The following GIN1 variants were observed in gnomAD, a reference collection of about 807,000 sequenced individuals.
GIN1 encodes the protein gypsy retrotransposon integrase-like protein 1.
In GIN1, 41 loss-of-function variants were observed where a neutral mutation model predicts 51.4. The observed-to-expected ratio is 0.80, with a 90% CI of 0.62 to 1.04. The LOEUF is 1.04. Among genes scored for constraint, GIN1 ranks in the 50% least tolerant of loss-of-function variants. The probability of loss-of-function intolerance (pLI) is 0.00; values close to 1 mark genes in which losing one functional copy is unlikely to be tolerated. For synonymous variants in GIN1, 222 were observed against 206.5 expected, an observed-to-expected ratio of 1.07 and a Z score of -0.64; for missense variants, 610 against 612.4, an observed-to-expected ratio of 1.00 and a Z score of 0.04.
Position 103,088,081 on chromosome 5 carries a change from A to C in GIN1, c.1386T>G (p.Ile462Met). Residue 462 changes from isoleucine (I) to methionine (M), a missense_variant, in exon 8 of 8, where the codon ATT becomes ATG. Physicochemically the swap from Ile to Met is conservative, Grantham distance 10. Coordinates refer to ENST00000399004, the MANE Select transcript of GIN1 (RefSeq NM_017676.2). Reference sequence around the variant, plus strand: ...TACCAATAGTTGCATCTTCCACCAGAATATTTGCTTGATATGCTCCAATCG... The same window carrying C: ...TACCAATAGTTGCATCTTCCACCAGCATATTTGCTTGATATGCTCCAATCG... ...EIPIGAYQAN[I>M]LVEDATIGIV... The C allele has an allele frequency of 6.2e-7, 1 of 1,610,480 alleles. No homozygotes were observed. The highest frequency in any genetic ancestry group is 8.5e-7 in the Non-Finnish European group (1 of 1,176,876).
intron 4 of GIN1, among the ~76,000 whole-genome samples, chr5:103,103,487 T>C (rs1787631953): frequency 6.6e-6 from 1 of 152,258 alleles, no homozygotes; most frequent in Non-Finnish European, 1.5e-5. Context: ...TAGGTATTTC[T>C]TTTGGACTGA....
chr5:103,103,843 G>A (rs1384319099), intron 4 of GIN1, among the ~76,000 whole-genome samples: 2 of 152,134 alleles, frequency 1.3e-5, no homozygotes, highest in Admixed American at 1.3e-4. Context: ...AGATTGAAGT[G>A]CAGTGGCACA....
In GIN1 at chr5:103,104,556, A is replaced by G. The variant is rs781913946; in HGVS notation, c.624T>C (p.Asp208=). 5.9e-6 allele frequency: 9 copies of G among 1,513,576 alleles called. No individual in the cohort carries two copies. The highest frequency in any genetic ancestry group is 8.2e-6 in the Non-Finnish European group (9 of 1,094,072). 93.8% of individuals were successfully genotyped at this position (1,513,576 alleles called of 1,614,324 possible). A position where few individuals can be genotyped will look rare whatever the true frequency, so the allele number is the denominator to read the frequency against. ...TTTGTCTTACCTGTTGAATGAATTC[A>G]TCTCTTTGGTCCATTATTATTTTCT... ...PPQKIIMDQR[D]EFIQQINIEL... The change falls in exon 4 of 8, where the codon GAT becomes GAC. Residue 208 remains aspartate, a synonymous_variant. Transcript: ENST00000399004.
intron 1 of GIN1, among the ~76,000 whole-genome samples, chr5:103,113,582 C>A (rs1227547381): frequency 6.7e-6 from 1 of 148,598 alleles, no homozygotes; most frequent in African/African-American, 2.5e-5. Flanking sequence ...AGTGCAGTGG[C>A]ATGATCTCAG....
At chr5:103,095,910 T>C (rs1346337639) in intron 7 of GIN1, among the ~76,000 whole-genome samples, 1 of 152,106 alleles carries the variant, frequency 6.6e-6, no homozygotes, top group Non-Finnish European at 1.5e-5. Flanking sequence ...GGGGACAGAA[T>C]GAGACTCTGT....
intron 3 of GIN1, among the ~76,000 whole-genome samples, chr5:103,105,950 A>T (rs1413169625): frequency 6.6e-6 from 1 of 152,194 alleles, no homozygotes; most frequent in Non-Finnish European, 1.5e-5. Context: ...GGTCTTTGGA[A>T]TACCTGAATA....
chr5:103,116,664 G>T, intron 1 of GIN1, among the ~76,000 whole-genome samples: 1 of 151,952 alleles, frequency 6.6e-6, no homozygotes, highest in South Asian at 2.1e-4. Context: ...ATAACACTGG[G>T]ATAAAATATC....
At chr5:103,107,387 T>C (rs912054757) in intron 2 of GIN1, among the ~76,000 whole-genome samples, 1 of 152,118 alleles carries the variant, frequency 6.6e-6, no homozygotes, top group Non-Finnish European at 1.5e-5. Flanking sequence ...TTTGAGAAGG[T>C]AGGGATGGTG....
Position 103,097,717 on chromosome 5 carries a change from GT to G in GIN1, c.703del (p.Thr235LeufsTer40). 1 of 1,590,190 alleles carries G rather than the reference GT, an allele frequency of 6.3e-7. No individual in the cohort carries two copies. Among genetic ancestry groups the G allele is most frequent in the South Asian group, 1.1e-5 (1 of 90,634 alleles). On this transcript the variant is annotated frameshift_variant, in exon 5 of 8. Coordinates refer to ENST00000399004, the MANE Select transcript of GIN1 (RefSeq NM_017676.2). LOFTEE classifies it high-confidence loss of function. ...KQIVISHTSGTVNPTESTPNT... is the reference protein window; with the variant it reads ...KQIVISHTSGXVNPTESTPNT... Reference sequence around the variant, plus strand: ...AGGTGTACTTTCCGTTGGGTTAACAGTTCCAGAGGTGTGAGAAATTACAATT... The same window carrying G: ...AGGTGTACTTTCCGTTGGGTTAACAGTCCAGAGGTGTGAGAAATTACAATT...
intron 1 of GIN1, among the ~76,000 whole-genome samples, chr5:103,112,679 A>C (rs1283916581): frequency 2.0e-5 from 3 of 152,196 alleles, no homozygotes; most frequent in African/African-American, 7.2e-5. Flanking sequence ...CAATGAAGCA[A>C]GTGTTCCATG....
intron 2 of GIN1, among the ~76,000 whole-genome samples, chr5:103,108,309 A>T (rs1392309757): frequency 8.5e-5 from 13 of 152,130 alleles, no homozygotes; most frequent in African/African-American, 3.1e-4. Context: ...TAAAAGCAGA[A>T]GTTGTTAATT....
At chr5:103,102,342 A>C (rs1554195866) in intron 4 of GIN1, 1 of 152,194 alleles carries the variant, frequency 6.6e-6, no homozygotes, top group African/African-American at 2.4e-5. Context: ...ACTTTGTGCC[A>C]AGTTGCCCCC....
At chr5:103,094,359 A>T (rs1399482225) in intron 7 of GIN1, among the ~76,000 whole-genome samples, 7 of 152,158 alleles carry the variant, frequency 4.6e-5, no homozygotes, top group Non-Finnish European at 1.0e-4. Context: ...AACAAGAAAA[A>T]CTAAAACAGA....
At position 103,100,401 on chromosome 5, in the gene GIN1, A is replaced by ATTG. The variant is rs199885911; in HGVS notation, c.640-2621_640-2620insCAA. Among the ~76,000 whole-genome samples, 481 of 150,348 alleles carry ATTG rather than the reference A, an allele frequency of 3.2e-3. 5 individuals are homozygous for ATTG. Among genetic ancestry groups the ATTG allele is most frequent in the African/African-American group, 0.011 (453 of 40,796 alleles). On this transcript the variant is annotated intron_variant, in intron 4 of 7. Coordinates refer to ENST00000399004, the MANE Select transcript of GIN1 (RefSeq NM_017676.2). ...AGCACAGCCTATTATTATTATTATT[A>ATTG]TTATTTTTTTGAGACAGGGTCTCAC...
At chr5:103,097,151 A>G (rs1787421620) in intron 6 of GIN1, among the ~76,000 whole-genome samples, 163 bp downstream of exon 6, 1 of 152,256 alleles carries the variant, frequency 6.6e-6, no homozygotes, top group South Asian at 2.1e-4. Flanking sequence ...ATAGCTAGTA[A>G]ACCAACTATT....
chr5:103,087,351 T>A lies in GIN1; in HGVS notation c.*547A>T, dbSNP rs566580735. Reference sequence around the variant, plus strand: ...ACCAATACATAGTTTCAGACCCTAATCCTGACCCTATCTAACCAATTAGAT... The same window carrying A: ...ACCAATACATAGTTTCAGACCCTAAACCTGACCCTATCTAACCAATTAGAT... On this transcript the variant is annotated 3_prime_UTR_variant, in exon 8 of 8. Transcript: ENST00000399004. 1 of 152,216 alleles carries A rather than the reference T, an allele frequency of 6.6e-6. No individual in the cohort carries two copies. The highest frequency in any genetic ancestry group is 1.5e-5 in the Non-Finnish European group (1 of 68,046). The allele number at this position is 152,216 out of a possible 1,614,324, so 9.4% of individuals were successfully genotyped here.
intron 1 of GIN1, among the ~76,000 whole-genome samples, chr5:103,119,061 T>C (rs1321972134): frequency 2.6e-5 from 4 of 152,238 alleles, no homozygotes; most frequent in Admixed American, 6.5e-5. Context: ...TTAAGCTTTA[T>C]ACACTTTGTC....
intron 1 of GIN1, among the ~76,000 whole-genome samples, chr5:103,116,156 G>T (rs1212360947): frequency 6.6e-6 from 1 of 152,068 alleles, no homozygotes; most frequent in Non-Finnish European, 1.5e-5. Context: ...GATATGGAAA[G>T]CTAAAGGACT....
At chr5:103,115,592 T>C (rs959380206) in intron 1 of GIN1, among the ~76,000 whole-genome samples, 1 of 152,080 alleles carries the variant, frequency 6.6e-6, no homozygotes, top group Non-Finnish European at 1.5e-5. Context: ...AAAGAGTTCT[T>C]GGGATGGATG....
Sources: allele counts gnomAD v4.1 joint callset (sites outside exome capture counted in the v4.1 genomes callset), GRCh38; gene constraint gnomAD v4.1.1; transcripts MANE v1.5; gene names NCBI Gene and HGNC (gene_info 2026-07-23, HGNC 2026-07-21).